PRKCE: variants seen among roughly 807,000 people sequenced by gnomAD.
PRKCE encodes protein kinase C epsilon.
In PRKCE, 16 loss-of-function variants were observed where a neutral mutation model predicts 85.4. That is an observed-to-expected ratio of 0.19 (90% CI 0.13 to 0.28). The LOEUF is 0.28. Ranked by LOEUF, PRKCE falls within the 10% of genes least tolerant of loss-of-function variation. PRKCE has a pLI of 1.00. For synonymous variants in PRKCE, 388 were observed against 371.5 expected (o/e 1.04, Z -0.51); for missense variants, 573 against 975.2 (o/e 0.59, Z 5.49).
At chr2:46,183,265 A>C (rs192643989) in intron 14 of PRKCE, among the ~76,000 whole-genome samples, 81 of 152,352 alleles carry the variant, frequency 5.3e-4, no homozygotes, top group African/African-American at 1.8e-3. Context: ...CTCAGAGACT[A>C]ACTTGCCAAT....
At chr2:45,957,917 A>T (rs370664781) in intron 2 of PRKCE, among the ~76,000 whole-genome samples, 24 of 135,296 alleles carry the variant, frequency 1.8e-4, no homozygotes, top group African/African-American at 5.3e-4. Context: ...CTGTGTCTCT[A>T]TTTTTTTTTT....
rs1447013070 is a variant in PRKCE, at chr2:45,786,140, A to T, written c.349-56860A>T. On this transcript the variant is annotated intron_variant, in intron 1 of 14. Transcript: ENST00000306156. The surrounding 1 kb of genome is among the most constrained non-coding windows in gnomAD (Gnocchi z 5.3). ...CTGGGGATCTTTATTTGAAATGAGC[A>T]ATGTATTATTAGCAAGGGGCATTGA... is the stretch of plus-strand genomic sequence containing the variant. Among the ~76,000 whole-genome samples the T allele has an allele frequency of 1.3e-5, 2 of 152,074 alleles. No individual in the cohort carries two copies. Among genetic ancestry groups the T allele is most frequent in the Non-Finnish European group, 2.9e-5 (2 of 68,006 alleles).
intron 1 of PRKCE, among the ~76,000 whole-genome samples, chr2:45,764,878 T>C (rs1013079315): frequency 6.6e-6 from 1 of 152,236 alleles, no homozygotes; most frequent in Non-Finnish European, 1.5e-5. Context: ...GTCTTTATTC[T>C]TGTTCTTATG....
At chr2:45,988,065 G>C (rs1261294342) in intron 6 of PRKCE, among the ~76,000 whole-genome samples, 1 of 152,182 alleles carries the variant, frequency 6.6e-6, no homozygotes, top group African/African-American at 2.4e-5. Flanking sequence ...TCCTGGCTTT[G>C]GCAGGTGCCC....
chr2:46,159,889 C>G lies in PRKCE; in HGVS notation c.2067+137C>G. 3.5e-6 allele frequency: 4 copies of G among 1,138,516 alleles called. No individual in the cohort carries two copies. In the South Asian group the frequency reaches 6.0e-5, roughly 17 times the overall value. 70.5% of individuals were successfully genotyped at this position (1,138,516 alleles called of 1,614,324 possible). On this transcript the variant is annotated intron_variant, in intron 14 of 14. Coordinates refer to ENST00000306156, the MANE Select transcript of PRKCE (RefSeq NM_005400.3). The surrounding 1 kb of genome is among the most constrained non-coding windows in gnomAD (Gnocchi z 4.1). Reference sequence around the variant, plus strand: ...TGACAAAGACCAGAGGTGGCTGAGGCTCTCCCTAAGACAATGTCTTTAGGC... The same window carrying G: ...TGACAAAGACCAGAGGTGGCTGAGGGTCTCCCTAAGACAATGTCTTTAGGC...
intron 9 of PRKCE, among the ~76,000 whole-genome samples, chr2:46,009,340 TA>T (rs1705467762): frequency 6.6e-6 from 1 of 152,198 alleles, no homozygotes; most frequent in African/African-American, 2.4e-5. Context: ...CACATGTGTA[TA>T]AATTTGTAAG....
intron 2 of PRKCE, among the ~76,000 whole-genome samples, chr2:45,863,249 G>A (rs1393101402): frequency 1.3e-5 from 2 of 152,132 alleles, no homozygotes; most frequent in African/African-American, 2.4e-5. Context: ...TCAGGAAAAT[G>A]GAAGGTCTCA....
At chr2:45,844,682 C>T (rs1691634510) in intron 2 of PRKCE, among the ~76,000 whole-genome samples, 2 of 152,186 alleles carry the variant, frequency 1.3e-5, no homozygotes, top group South Asian at 4.1e-4. Flanking sequence ...AATCTGTGTG[C>T]AATATGATAA....
At chr2:45,717,942 C>T (rs1342698345) in intron 1 of PRKCE, among the ~76,000 whole-genome samples, 1 of 152,158 alleles carries the variant, frequency 6.6e-6, no homozygotes, top group East Asian at 1.9e-4. Flanking sequence ...AGGAAAGGCT[C>T]CTTTTATATA....
chr2:45,697,433 C>T lies in PRKCE; in HGVS notation c.348+44985C>T, dbSNP rs1048829036. Among the ~76,000 whole-genome samples, 1 of 152,094 alleles carries T rather than the reference C, an allele frequency of 6.6e-6. No individual in the cohort carries two copies. The highest frequency in any genetic ancestry group is 2.4e-5 in the African/African-American group (1 of 41,396). ...GTGAAAATCCATTTTATTTATTTAG[C>T]CAGGACAGATAAGGACTAACAAACA... On this transcript the variant is annotated intron_variant, in intron 1 of 14. Coordinates refer to ENST00000306156, the MANE Select transcript of PRKCE (RefSeq NM_005400.3). The surrounding 1 kb of genome is among the most constrained non-coding windows in gnomAD (Gnocchi z 4.2).
chr2:46,056,912 C>T (rs781015463), intron 10 of PRKCE, among the ~76,000 whole-genome samples: 2 of 152,194 alleles, frequency 1.3e-5, no homozygotes, highest in Non-Finnish European at 2.9e-5. Flanking sequence ...ATCACTATTG[C>T]TACAAAAGAA....
At position 46,110,521 on chromosome 2, in the gene PRKCE, G is replaced by A. The variant is rs1358583700; in HGVS notation, c.1592+24159G>A. On this transcript the variant is annotated intron_variant, in intron 11 of 14. Coordinates refer to ENST00000306156, the MANE Select transcript of PRKCE (RefSeq NM_005400.3). ...CATTTATTACTGTTTTCACGTTCCCGTGATCAACAGTGATGACACTGCTTA... is the reference window on the plus strand; with the variant it reads ...CATTTATTACTGTTTTCACGTTCCCATGATCAACAGTGATGACACTGCTTA... Among the ~76,000 whole-genome samples, 5 of 152,112 alleles carry A rather than the reference G, an allele frequency of 3.3e-5. No homozygotes were observed. The East Asian group carries it at 7.7e-4, about 23-fold the overall frequency.
intron 1 of PRKCE, among the ~76,000 whole-genome samples, chr2:45,729,967 A>G (rs1681424049): frequency 6.6e-6 from 1 of 152,194 alleles, no homozygotes. Context: ...GCATTTTTTA[A>G]GGGTATAGAG....
intron 11 of PRKCE, among the ~76,000 whole-genome samples, chr2:46,114,286 G>A (rs758271188): frequency 6.6e-5 from 10 of 151,888 alleles, no homozygotes; most frequent in Non-Finnish European, 1.0e-4. Flanking sequence ...CTGTCTTAGT[G>A]TCCAGCGATC....
chr2:45,871,523 A>T (rs1694085939), intron 2 of PRKCE, among the ~76,000 whole-genome samples: 1 of 152,226 alleles, frequency 6.6e-6, no homozygotes, highest in African/African-American at 2.4e-5. Flanking sequence ...GAGCAATAAA[A>T]ATATCTTCAG....
chr2:46,130,599 C>T (rs966309319), intron 11 of PRKCE, among the ~76,000 whole-genome samples: 1 of 152,170 alleles, frequency 6.6e-6, no homozygotes, highest in Non-Finnish European at 1.5e-5. Flanking sequence ...ATTTATTTGT[C>T]ATAGATCTGA....
intron 12 of PRKCE, among the ~76,000 whole-genome samples, chr2:46,150,438 T>G (rs924282232): frequency 6.6e-6 from 1 of 152,126 alleles, no homozygotes; most frequent in Non-Finnish European, 1.5e-5. Flanking sequence ...TGATGAACAA[T>G]AGAGATGGGT....
chr2:45,773,543 A>C (rs762900982), intron 1 of PRKCE, among the ~76,000 whole-genome samples: 1 of 152,144 alleles, frequency 6.6e-6, no homozygotes, highest in Non-Finnish European at 1.5e-5. Flanking sequence ...CTGACTCCAA[A>C]GGCCTTGTGC....
chr2:45,866,599 G>A (rs757902581), intron 2 of PRKCE, among the ~76,000 whole-genome samples: 37 of 152,240 alleles, frequency 2.4e-4, no homozygotes, highest in Non-Finnish European at 4.3e-4. Flanking sequence ...GAGCCACCAC[G>A]CCCTGCCTGG....
Sources: gnomAD v4.1 joint callset for allele counts (sites outside exome capture counted in the v4.1 genomes callset) on GRCh38, gnomAD v4.1.1 for gene constraint, Gnocchi (gnomAD v3.1) non-coding constraint, MANE v1.5 for transcripts, NCBI Gene and HGNC (gene_info 2026-07-23, HGNC 2026-07-21) for gene names.